Variants in HRNR observed in about 807,000 individuals in gnomAD.
The protein encoded by HRNR is filaggrin family member 3.
A neutral mutation model predicts 4.8 loss-of-function variants in HRNR; 7 were observed. That is an observed-to-expected ratio of 1.47 (90% CI 0.83 to 2.75). The LOEUF (loss-of-function observed/expected upper bound fraction) is 2.75, where lower values mean the gene tolerates loss of function less well. HRNR is among the 30% of genes most tolerant of loss of function. The pLI is 0.00. For synonymous variants in HRNR, 1,023 were observed against 1,242.7 expected (o/e 0.82, Z 3.72); for missense variants, 2,879 against 3,010.4 (o/e 0.96, Z 1.02).
In HRNR at chr1:152,219,545, G is replaced by A. The variant is rs778326178; in HGVS notation, c.2084C>T (p.Ser695Leu). 26 of 1,613,652 alleles carry A rather than the reference G, an allele frequency of 1.6e-5. No individual in the cohort carries two copies. The highest frequency in any genetic ancestry group is 2.0e-5 in the Non-Finnish European group (24 of 1,179,982). ...GTGACCAAAGCCGGAAGACTGGCCT[G>A]AGACAGACCCATGTGGGCCATTGCT... ...SSSNGPHGSVSGQSSGFGHKS... is the reference protein window; with the variant it reads ...SSSNGPHGSVLGQSSGFGHKS... The change falls in exon 3 of 3, where the codon TCA becomes TTA. Residue 695 changes from serine to leucine, a missense_variant. Transcript: ENST00000368801.
In HRNR at chr1:152,215,402, C is replaced by A; in HGVS notation, c.6227G>T (p.Arg2076Met). Residue 2076 changes from arginine to methionine, a missense_variant, in exon 3 of 3, where the codon AGG (arginine) becomes ATG (methionine). Around this residue, in one of 8 missense-constraint regions of HRNR, gnomAD observed 11 missense variants for 47.5 expected, o/e 0.23. Transcript: ENST00000368801. ...PGHGQRGSGS[R>M]QSPSYGRHGS... Reference sequence around the variant, plus strand: ...ATGTCGGCCATAGCTGGGAGACTGCCTTGACCCAGACCCACGCTGGCCGTG... The same window carrying A: ...ATGTCGGCCATAGCTGGGAGACTGCATTGACCCAGACCCACGCTGGCCGTG... 6.2e-6 allele frequency: 10 copies of A among 1,602,926 alleles called. No individual in the cohort carries two copies. Among genetic ancestry groups the A allele is most frequent in the Non-Finnish European group, 8.5e-6 (10 of 1,178,016 alleles).
At position 152,217,480 on chromosome 1, in the gene HRNR, A is replaced by G; in HGVS notation, c.4149T>C (p.Gly1383=). The change falls in exon 3 of 3, where the codon GGT becomes GGC. Residue 1383 remains glycine (G), a synonymous_variant. Coordinates refer to ENST00000368801, the MANE Select transcript of HRNR (RefSeq NM_001009931.3). ...SSYGQHGSGS[G]WSSSSGRHGS... ...CATGTCGGCCACTGCTGGAAGACCA[A>G]CCGGAGCCAGACCCATGTTGGCCGT... 2.0e-5 allele frequency: 1 copy of G among 50,184 alleles called. No individual in the cohort carries two copies. Among genetic ancestry groups the G allele is most frequent in the South Asian group, 2.7e-4 (1 of 3,694 alleles). 3.1% of individuals were successfully genotyped at this position (50,184 alleles called of 1,614,324 possible). A position where few individuals can be genotyped will look rare whatever the true frequency, so the allele number is the denominator to read the frequency against.
rs1481808599 is a variant in HRNR at position 152,220,631 on chromosome 1, T to G, written c.998A>C (p.Tyr333Ser). ...GCCAGACTCATAATGGCCACGGCTG[T>G]AAGAGTAACTTGAGCCAGACCCGTG... Reference protein sequence around the residue: ...GQHGSGSSYSYSRGHYESGSG... With the variant: ...GQHGSGSSYSSSRGHYESGSG... The change falls in exon 3 of 3, where the codon TAC becomes TCC. Residue 333 changes from tyrosine (Y) to serine (S), a missense_variant. By Grantham distance (144) the Tyr-to-Ser change is moderately radical. Transcript: ENST00000368801. The G allele has an allele frequency of 1.9e-6, 3 of 1,610,880 alleles. No homozygotes were observed. Among genetic ancestry groups the G allele is most frequent in the South Asian group, 2.2e-5 (2 of 90,808 alleles).
intron 2 of HRNR, 51 bp from the exon 3 acceptor site, chr1:152,221,541 T>A: frequency 7.4e-7 from 1 of 1,346,312 alleles, no homozygotes; most frequent in Non-Finnish European, 1.0e-6. Flanking sequence ...GGACAATACA[T>A]CTGGCTAACG....
Position 152,213,112 on chromosome 1 carries a change from T to A in HRNR, c.8517A>T (p.Glu2839Asp). The change falls in exon 3 of 3, where the codon GAA becomes GAT. Residue 2839 changes from glutamate to aspartate, a missense_variant. Physicochemically the swap from Glu to Asp is conservative, Grantham distance 45. Transcript: ENST00000368801. ...LSFPSSTSPY[E>D]YVQEQRCYFY... ...AGTAGCACCTCTGCTCTTGGACATATTCATAGGGTGAAGTGCTACTAGGAA... is the reference window on the plus strand; with the variant it reads ...AGTAGCACCTCTGCTCTTGGACATAATCATAGGGTGAAGTGCTACTAGGAA... 6.2e-7 allele frequency: 1 copy of A among 1,613,932 alleles called. No homozygotes were observed. The highest frequency in any genetic ancestry group is 8.5e-7 in the Non-Finnish European group (1 of 1,179,968).
rs376682455 is a variant in HRNR, at chr1:152,219,665, C to T, written c.1964G>A (p.Gly655Glu). ...GCCGCGACTAGGAGACTGGCCAGAT[C>T]CAGAGCCCTGTTGGCCATAGCGAGA... The part of the protein sequence containing the change: ...QSSRYGQQGS[G>E]SGQSPSRGRH... The change falls in exon 3 of 3, where the codon GGA (glycine) becomes GAA (glutamate). Residue 655 changes from glycine (G) to glutamate (E), a missense_variant. Gly to Glu is a moderately conservative substitution (Grantham distance 98). Around this residue, in one of 8 missense-constraint regions of HRNR, gnomAD observed 2,646 missense variants for 1,377.7 expected, o/e 1.92. Coordinates refer to ENST00000368801, the MANE Select transcript of HRNR (RefSeq NM_001009931.3). The T allele has an allele frequency of 3.5e-5, 56 of 1,613,178 alleles. No individual in the cohort carries two copies. The highest frequency in any genetic ancestry group is 4.4e-5 in the Non-Finnish European group (52 of 1,179,460).
Position 152,219,282 on chromosome 1 carries a change from A to C in HRNR, c.2347T>G (p.Ser783Ala), listed in dbSNP as rs754447956. The C allele has an allele frequency of 6.2e-7, 1 of 1,612,614 alleles. No individual in the cohort carries two copies. Among genetic ancestry groups the C allele is most frequent in the African/African-American group, 1.3e-5 (1 of 74,318 alleles). Reference sequence around the variant, plus strand: ...TGGCTGGAGGAGTGCCCTGAACTGGACCCATGTCGGACACGGCTAGGAGAG... The same window carrying C: ...TGGCTGGAGGAGTGCCCTGAACTGGCCCCATGTCGGACACGGCTAGGAGAG... ...GHSPSRVRHG[S>A]SSGHSSSHGQ... Residue 783 changes from serine to alanine, a missense_variant, in exon 3 of 3, where the codon TCC (serine) becomes GCC (alanine). Ser to Ala is a moderately conservative substitution (Grantham distance 99). Coordinates refer to ENST00000368801, the MANE Select transcript of HRNR (RefSeq NM_001009931.3).
rs750188551 is a variant in HRNR at position 152,219,275 on chromosome 1, G to T, written c.2354C>A (p.Ser785Ter). 10 of 1,611,124 alleles carry T rather than the reference G, an allele frequency of 6.2e-6. No homozygotes were observed. The African/African-American group carries it at 8.1e-5, about 13-fold the overall frequency. The change falls in exon 3 of 3, where the codon TCA becomes TAA. Residue 785 changes from serine to a stop codon, truncating the protein, a stop_gained. Transcript: ENST00000368801. LOFTEE classifies it low-confidence loss of function (END_TRUNC). ...SPSRVRHGSS[S>*]GHSSSHGQHG... ...TTGGCCGTGGCTGGAGGAGTGCCCT[G>T]AACTGGACCCATGTCGGACACGGCT... is the stretch of plus-strand genomic sequence containing the variant.
In HRNR at chr1:152,212,920, G is replaced by T; in HGVS notation, c.*156C>A. 9.9e-7 allele frequency: 1 copy of T among 1,005,190 alleles called. No individual in the cohort carries two copies. Among genetic ancestry groups the T allele is most frequent in the East Asian group, 2.6e-5 (1 of 38,208 alleles). 62.3% of individuals were successfully genotyped at this position (1,005,190 alleles called of 1,614,324 possible). A position where few individuals can be genotyped will look rare whatever the true frequency, so the allele number is the denominator to read the frequency against. ...GAAGGAACCCCATAACAAGATATATGCTACAGTTTTAGGCTCTAAAGAAAG... is the reference window on the plus strand; with the variant it reads ...GAAGGAACCCCATAACAAGATATATTCTACAGTTTTAGGCTCTAAAGAAAG... On this transcript the variant is annotated 3_prime_UTR_variant, in exon 3 of 3. Transcript: ENST00000368801.
In HRNR at chr1:152,223,102, C is replaced by T. The variant is rs758452242; in HGVS notation, c.138+14G>A. On this transcript the variant is annotated intron_variant, in intron 2 of 2. Transcript: ENST00000368801. ...AAATTCCTGCATAACTCCATCCTGG[C>T]GTGGAGTTCTTACCTTCAGAATTTG... is the stretch of plus-strand genomic sequence containing the variant. The T allele has an allele frequency of 1.8e-5, 29 of 1,611,278 alleles. No homozygotes were observed. The highest frequency in any genetic ancestry group is 6.7e-5 in the African/African-American group (5 of 74,838).
chr1:152,213,172 A>G lies in HRNR; in HGVS notation c.8457T>C (p.His2819=), dbSNP rs745608455. The G allele has an allele frequency of 1.9e-6, 3 of 1,614,056 alleles. No individual in the cohort carries two copies. The highest frequency in any genetic ancestry group is 2.2e-5 in the East Asian group (1 of 44,890). ...AATATGAGCCAGAACTTCCCCCATC[A>G]TGGTTACTTCCTCCTTTGCAATAAG... is the stretch of plus-strand genomic sequence containing the variant. The part of the protein sequence containing the change: ...GYSYCKGGSN[H]DGGSSGSYFL... Residue 2819 remains histidine, a synonymous_variant, in exon 3 of 3, where the codon CAT becomes CAC. Transcript: ENST00000368801.
chr1:152,220,762 A>G lies in HRNR; in HGVS notation c.867T>C (p.Gly289=), dbSNP rs376465404. The G allele has an allele frequency of 1.7e-5, 28 of 1,613,062 alleles. No individual in the cohort carries two copies. In the African/African-American group the frequency reaches 2.0e-4, roughly 12 times the overall value. The change falls in exon 3 of 3, where the codon GGT becomes GGC. Residue 289 remains glycine (G), a synonymous_variant. Coordinates refer to ENST00000368801, the MANE Select transcript of HRNR (RefSeq NM_001009931.3). ...GGCCGTGGCCCAAAGACTGACGGGA[A>G]CCAGACCCATGCTGACCATAGCTGG... ...SSSSYGQHGS[G]SRQSLGHGRQ... is the part of the protein sequence containing the mutation.
rs768326814 is a variant in HRNR, at chr1:152,220,254, A to G, written c.1375T>C (p.Ser459Pro). The G allele has an allele frequency of 8.7e-6, 14 of 1,613,998 alleles. No individual in the cohort carries two copies. The highest frequency in any genetic ancestry group is 8.3e-5 in the Admixed American group (5 of 60,006). Residue 459 changes from serine (S) to proline (P), a missense_variant, in exon 3 of 3, where the codon TCA becomes CCA. Around this residue, in one of 8 missense-constraint regions of HRNR, gnomAD observed 2,646 missense variants for 1,377.7 expected, o/e 1.92. Coordinates refer to ENST00000368801, the MANE Select transcript of HRNR (RefSeq NM_001009931.3). ...TGACCAAAGCCAGAAGAGTAGCCTG[A>G]ACCAGACACATATGGGCCACTGCTG... ...SSSSGPYVSGSGYSSGFGHHE... is the reference protein window; with the variant it reads ...SSSSGPYVSGPGYSSGFGHHE...
In HRNR at chr1:152,218,681, T is replaced by G; in HGVS notation, c.2948A>C (p.Tyr983Ser). ...HGSSSGSSSSYGQHGSGSRQS... is the reference protein window; with the variant it reads ...HGSSSGSSSSSGQHGSGSRQS... ...ACGGGAGCCAGACCCATGCTGACCA[T>G]AGCTGGAAGACGAACCTGAGCTAGA... The change falls in exon 3 of 3, where the codon TAT becomes TCT. Residue 983 changes from tyrosine (Y) to serine (S), a missense_variant. Around this residue, in one of 8 missense-constraint regions of HRNR, gnomAD observed 2,646 missense variants for 1,377.7 expected, o/e 1.92. Coordinates refer to ENST00000368801, the MANE Select transcript of HRNR (RefSeq NM_001009931.3). 1 of 1,613,360 alleles carries G rather than the reference T, an allele frequency of 6.2e-7. No individual in the cohort carries two copies. Among genetic ancestry groups the G allele is most frequent in the Non-Finnish European group, 8.5e-7 (1 of 1,179,920 alleles).
intron 2 of HRNR, 82 bp downstream of exon 2, chr1:152,223,034 T>A: frequency 7.3e-7 from 1 of 1,373,634 alleles, no homozygotes; most frequent in Non-Finnish European, 1.0e-6. Context: ...TCCTCTAGGA[T>A]GTTTGACATA....
chr1:152,220,375 A>C lies in HRNR; in HGVS notation c.1254T>G (p.Ser418=). The C allele has an allele frequency of 6.2e-7, 1 of 1,613,698 alleles. No individual in the cohort carries two copies. Among genetic ancestry groups the C allele is most frequent in the Non-Finnish European group, 8.5e-7 (1 of 1,179,714 alleles). ...CGTGGCCTGGAGACTGGCCAGATCC[A>C]GAGCTGTGTTGGCCGCGGCCTGAAG... ...RHSSGRGQHS[S]GSGQSPGHGQ... Residue 418 remains serine, a synonymous_variant, in exon 3 of 3, where the codon TCT becomes TCG. Coordinates refer to ENST00000368801, the MANE Select transcript of HRNR (RefSeq NM_001009931.3).
Position 152,218,704 on chromosome 1 carries a change from A to C in HRNR, c.2925T>G (p.Ser975=). The change falls in exon 3 of 3, where the codon TCT becomes TCG. Residue 975 remains serine (S), a synonymous_variant. Coordinates refer to ENST00000368801, the MANE Select transcript of HRNR (RefSeq NM_001009931.3). ...CATAGCTGGAAGACGAACCTGAGCTAGATCCATGTTGTTCGCTCCTAGATG... is the reference window on the plus strand; with the variant it reads ...CATAGCTGGAAGACGAACCTGAGCTCGATCCATGTTGTTCGCTCCTAGATG... ...GQSSRSEQHG[S]SSGSSSSYGQ... is the part of the protein sequence containing the mutation. 1 of 1,613,988 alleles carries C rather than the reference A, an allele frequency of 6.2e-7. No individual in the cohort carries two copies. Among genetic ancestry groups the C allele is most frequent in the East Asian group, 2.2e-5 (1 of 44,830 alleles).
In HRNR at chr1:152,212,983, C is replaced by G. The variant is rs1648441902; in HGVS notation, c.*93G>C. Reference sequence around the variant, plus strand: ...ATTGATTCACTTTTAGAACGAATTTCATGATGGATTGCTTGTCTTTCATGA... The same window carrying G: ...ATTGATTCACTTTTAGAACGAATTTGATGATGGATTGCTTGTCTTTCATGA... On this transcript the variant is annotated 3_prime_UTR_variant, in exon 3 of 3. Transcript: ENST00000368801. The G allele has an allele frequency of 1.3e-6, 2 of 1,504,384 alleles. No homozygotes were observed. Among genetic ancestry groups the G allele is most frequent in the African/African-American group, 1.4e-5 (1 of 71,650 alleles). 93.2% of individuals were successfully genotyped at this position (1,504,384 alleles called of 1,614,324 possible). A position where few individuals can be genotyped will look rare whatever the true frequency, so the allele number is the denominator to read the frequency against.
At position 152,220,389 on chromosome 1, in the gene HRNR, C is replaced by T. The variant is rs767373809; in HGVS notation, c.1240G>A (p.Gly414Ser). 57 of 1,613,788 alleles carry T rather than the reference C, an allele frequency of 3.5e-5. No individual in the cohort carries two copies. The highest frequency in any genetic ancestry group is 2.7e-4 in the East Asian group (12 of 44,872). ...ESASRHSSGR[G>S]QHSSGSGQSP... ...TGGCCAGATCCAGAGCTGTGTTGGC[C>T]GCGGCCTGAAGAGTGACGGGAGGCA... Residue 414 changes from glycine to serine, a missense_variant, in exon 3 of 3, where the codon GGC (glycine) becomes AGC (serine). Coordinates refer to ENST00000368801, the MANE Select transcript of HRNR (RefSeq NM_001009931.3).
Sources: allele counts gnomAD v4.1 joint callset, GRCh38; gene constraint gnomAD v4.1.1; regional missense constraint gnomAD v4.1.1; transcripts MANE v1.5; gene names NCBI Gene and HGNC (gene_info 2026-07-23, HGNC 2026-07-21).